CACNA2D1: variants seen among roughly 807,000 people sequenced by gnomAD.
The protein encoded by CACNA2D1 is voltage-dependent calcium channel subunit alpha-2/delta-1.
Under a neutral mutation model 171.5 loss-of-function variants are expected in CACNA2D1, and 53 were observed. The observed-to-expected ratio is 0.31, with a 90% CI of 0.25 to 0.39. The LOEUF (loss-of-function observed/expected upper bound fraction) is 0.39. Ranked by LOEUF, CACNA2D1 falls within the 10% of genes least tolerant of loss-of-function variation. The pLI is 1.00. For synonymous variants in CACNA2D1, 442 were observed against 443.1 expected (o/e 1.00, Z 0.03); for missense variants, 903 against 1,299.8 (o/e 0.69, Z 4.69).
chr7:82,338,287 T>C (rs1818232343), intron 2 of CACNA2D1, among the ~76,000 whole-genome samples: 2 of 152,222 alleles, frequency 1.3e-5, no homozygotes, highest in Admixed American at 6.5e-5. Flanking sequence ...AAACTAAATA[T>C]GCTTCCAAAC....
At position 82,035,528 on chromosome 7, in the gene CACNA2D1, T is replaced by C. The variant is rs534902479; in HGVS notation, c.1038+2549A>G. 4.6e-5 allele frequency among the ~76,000 whole-genome samples: 7 copies of C among 152,284 alleles called. No homozygotes were observed. In the South Asian group the frequency reaches 8.3e-4, roughly 18 times the overall value. On this transcript the variant is annotated intron_variant, in intron 11 of 38. Coordinates refer to ENST00000356860, the MANE Select transcript of CACNA2D1 (RefSeq NM_000722.4). The stretch of plus-strand genomic sequence containing the variant: ...GACCATATTTTAAAAATCACTACAA[T>C]TGTAGCAGTTATAAAGGCAGCAGGA...
intron 1 of CACNA2D1, among the ~76,000 whole-genome samples, chr7:82,377,212 C>T (rs1390563333): frequency 2.0e-5 from 3 of 152,144 alleles, no homozygotes; most frequent in Non-Finnish European, 4.4e-5. Flanking sequence ...TAAAATCTAA[C>T]ATCTCTTCTT....
chr7:82,142,466 T>C (rs909039402), intron 4 of CACNA2D1, among the ~76,000 whole-genome samples: 21 of 152,312 alleles, frequency 1.4e-4, no homozygotes, highest in Admixed American at 4.6e-4. Context: ...CTCTGATGAA[T>C]AGATTATGCT....
At chr7:82,216,191 T>A (rs895972960) in intron 3 of CACNA2D1, among the ~76,000 whole-genome samples, 1 of 152,130 alleles carries the variant, frequency 6.6e-6, no homozygotes, top group Admixed American at 6.5e-5. Flanking sequence ...GTGGTAGAAA[T>A]AATTTTTCAC....
At chr7:82,044,338 T>A (rs1804297028) in intron 10 of CACNA2D1, among the ~76,000 whole-genome samples, 1 of 152,206 alleles carries the variant, frequency 6.6e-6, no homozygotes, top group Non-Finnish European at 1.5e-5. Context: ...GACACAACTA[T>A]AGTTTCTGAA....
rs138940754 is a variant in CACNA2D1, at chr7:82,394,304, A to G, written c.96-44655T>C. On this transcript the variant is annotated intron_variant, in intron 1 of 38. Transcript: ENST00000356860. ...AAAAATGACAAAAAGGAAAAAGAAG[A>G]AAGAGAAATCTAGATGAAGGGAGGG... Among the ~76,000 whole-genome samples, 675 of 152,286 alleles carry G rather than the reference A, an allele frequency of 4.4e-3. 4 individuals are homozygous for G. The highest frequency in any genetic ancestry group is 0.015 in the African/African-American group (636 of 41,560).
chr7:82,350,920 A>G (rs973810317), intron 1 of CACNA2D1, among the ~76,000 whole-genome samples: 1 of 152,232 alleles, frequency 6.6e-6, no homozygotes, highest in African/African-American at 2.4e-5. Context: ...GATATTTTAG[A>G]AGACCCTAAA....
chr7:81,950,078 T>TG lies in CACNA2D1; in HGVS notation c.*313dup. The TG allele has an allele frequency of 3.1e-6, 1 of 321,616 alleles. No homozygotes were observed. The allele number at this position is 321,616 out of a possible 1,614,324, so 19.9% of individuals were successfully genotyped here. A position where few individuals can be genotyped will look rare whatever the true frequency, so the allele number is the denominator to read the frequency against. ...TTCTTATGGTTCATTAACAATTGTA[T>TG]GGGGAACCCTTTCACATGTAATCAC... On this transcript the variant is annotated 3_prime_UTR_variant, in exon 39 of 39. Transcript: ENST00000356860.
intron 3 of CACNA2D1, among the ~76,000 whole-genome samples, chr7:82,224,022 G>GGAACGT (rs1380770642): frequency 6.6e-6 from 1 of 152,044 alleles, no homozygotes; most frequent in East Asian, 1.9e-4. Context: ...TCCCTTGCCT[G>GGAACGT]GAACGTGCTT....
At chr7:82,022,708 T>C (rs1801379862) in intron 12 of CACNA2D1, among the ~76,000 whole-genome samples, 1 of 151,966 alleles carries the variant, frequency 6.6e-6, no homozygotes, top group Admixed American at 6.6e-5. Flanking sequence ...CTATTGACCA[T>C]TTCTAGTTTG....
At chr7:82,128,143 T>TCAAGCTTGAGCCCA (rs1194241127) in intron 5 of CACNA2D1, among the ~76,000 whole-genome samples, 1 of 151,704 alleles carries the variant, frequency 6.6e-6, no homozygotes, top group African/African-American at 2.4e-5. Context: ...TTGCCCAGGC[T>TCAAGCTTGAGCCCA]GGTCTTAAAC....
At chr7:82,128,700 G>A (rs889689829) in intron 5 of CACNA2D1, among the ~76,000 whole-genome samples, 3 of 152,066 alleles carry the variant, frequency 2.0e-5, no homozygotes, top group African/African-American at 7.2e-5. Flanking sequence ...GTAGAAATCA[G>A]GAAATTCCAA....
At chr7:82,202,620 A>G (rs1799570877) in intron 3 of CACNA2D1, among the ~76,000 whole-genome samples, 1 of 152,106 alleles carries the variant, frequency 6.6e-6, no homozygotes, top group South Asian at 2.1e-4. Flanking sequence ...CAAGAAGTAC[A>G]CACTCAGCCC....
intron 3 of CACNA2D1, among the ~76,000 whole-genome samples, chr7:82,220,375 T>C (rs894751422): frequency 2.0e-5 from 3 of 152,202 alleles, no homozygotes; most frequent in African/African-American, 7.2e-5. Flanking sequence ...TTACTGTGTT[T>C]GGTTGAAGTC....
intron 18 of CACNA2D1, among the ~76,000 whole-genome samples, chr7:81,997,941 T>G (rs1160369547): frequency 6.6e-6 from 1 of 151,924 alleles, no homozygotes; most frequent in African/African-American, 2.4e-5. Flanking sequence ...TGAATACTAT[T>G]TCCTATTGCT....
At chr7:82,222,425 G>A (rs983175273) in intron 3 of CACNA2D1, among the ~76,000 whole-genome samples, 8 of 152,142 alleles carry the variant, frequency 5.3e-5, no homozygotes, top group Non-Finnish European at 1.0e-4. Flanking sequence ...AGAATACAAG[G>A]AGACTCAGGA....
In CACNA2D1 at chr7:82,185,470, AG is replaced by A. The variant is rs1190587135; in HGVS notation, c.295-14862del. On this transcript the variant is annotated intron_variant, in intron 3 of 38. Transcript: ENST00000356860. ...GAACAAAGGGTCAGACAAAAAAGAG[AG>A]GGGGGGAGGGGGAGGAGGAGGGGGA... 7.1e-4 allele frequency among the ~76,000 whole-genome samples: 37 copies of A among 51,942 alleles called. No individual in the cohort carries two copies. In the East Asian group the frequency reaches 0.016, roughly 23 times the overall value. 34.1% of individuals were successfully genotyped at this position (51,942 alleles called of 152,430 possible).
chr7:82,227,967 CG>C (rs1802533601), intron 3 of CACNA2D1, among the ~76,000 whole-genome samples: 1 of 152,022 alleles, frequency 6.6e-6, no homozygotes, highest in Non-Finnish European at 1.5e-5. Flanking sequence ...CATGTACCCC[CG>C]GCTGTACATG....
chr7:82,337,526 T>G (rs572250429), intron 2 of CACNA2D1, among the ~76,000 whole-genome samples: 23 of 152,214 alleles, frequency 1.5e-4, no homozygotes, highest in Non-Finnish European at 3.1e-4. Flanking sequence ...TCTACAATAT[T>G]TCATATATTA....
Sources: gnomAD v4.1 joint callset for allele counts (sites outside exome capture counted in the v4.1 genomes callset) on GRCh38, gnomAD v4.1.1 for gene constraint, MANE v1.5 for transcripts, NCBI Gene and HGNC (gene_info 2026-07-23, HGNC 2026-07-21) for gene names.